KRT7: variants seen among roughly 807,000 people sequenced by gnomAD.
KRT7 encodes the protein keratin 7, also known as keratin, type II cytoskeletal 7.
In KRT7, 50 loss-of-function variants were observed where a neutral mutation model predicts 42.8. The observed-to-expected ratio is 1.17, with a 90% CI of 0.93 to 1.48. The LOEUF (loss-of-function observed/expected upper bound fraction) is 1.48. KRT7 is among the 40% of genes most tolerant of loss of function. KRT7 has a pLI of 0.00. For synonymous variants in KRT7, 268 were observed against 266.3 expected (o/e 1.01, Z -0.06); for missense variants, 588 against 637.6 (o/e 0.92, Z 0.84).
At chr12:52,251,159 T>C (rs1002990177), downstream of KRT7, among the ~76,000 whole-genome samples, 5 of 152,070 alleles carry the variant, frequency 3.3e-5, no homozygotes, top group African/African-American at 1.2e-4. Flanking sequence ...TTTTTATTTT[T>C]AGTAGAGACG....
chr12:52,248,945 G>A, downstream of KRT7: 1 of 515,874 alleles, frequency 1.9e-6, no homozygotes, highest in Non-Finnish European at 3.2e-6. Context: ...CTGGCTTCAT[G>A]AGGCTGGGCA....
At chr12:52,253,626 T>TCGGCCC (rs1241148649), downstream of KRT7, 6 of 1,562,730 alleles carry the variant, frequency 3.8e-6, no homozygotes, top group Non-Finnish European at 5.2e-6. Context: ...GGACTCGGCC[T>TCGGCCC]CGGCCCGGCT....
chr12:52,243,326 G>T (rs929525612), intron 6 of KRT7, 189 bp downstream of exon 6: 4 of 651,774 alleles, frequency 6.1e-6, no homozygotes, highest in Non-Finnish European at 7.5e-6. Context: ...GCTGATGGGA[G>T]AAAGGTCCTG....
chr12:52,233,292 C>G lies in KRT7; in HGVS notation c.-5C>G. 1 of 1,540,548 alleles carries G rather than the reference C, an allele frequency of 6.5e-7. No individual in the cohort carries two copies. Among genetic ancestry groups the G allele is most frequent in the Non-Finnish European group, 8.7e-7 (1 of 1,151,442 alleles). On this transcript the variant is annotated 5_prime_UTR_variant, in exon 1 of 9. Coordinates refer to ENST00000331817, the MANE Select transcript of KRT7 (RefSeq NM_005556.4). ...CGCCGCTAGGTCCATCCCGGCCCAG[C>G]CACCATGTCCATCCACTTCAGCTCC...
rs374091539 is a variant in KRT7 at position 52,248,227 on chromosome 12, C to T, written c.1240+16C>T. 609 of 1,613,266 alleles carry T rather than the reference C, an allele frequency of 3.8e-4. No homozygotes were observed. Among genetic ancestry groups the T allele is most frequent in the Non-Finnish European group, 4.7e-4 (549 of 1,179,424 alleles). ...GTGAATATCTGTAAGTCCTTGGCTG[C>T]GGCCCATGGGAAGCATCCCTTGTGC... On this transcript the variant is annotated intron_variant, in intron 8 of 8. Coordinates refer to ENST00000331817, the MANE Select transcript of KRT7 (RefSeq NM_005556.4).
chr12:52,253,207 C>A, downstream of KRT7: 1 of 1,604,200 alleles, frequency 6.2e-7, no homozygotes, highest in Non-Finnish European at 8.5e-7. Flanking sequence ...GGCTGGGCTC[C>A]CATACCTGGC....
chr12:52,237,860 T>G (rs765529413), intron 3 of KRT7: 9 of 278,730 alleles, frequency 3.2e-5, no homozygotes, highest in Non-Finnish European at 6.0e-5. Flanking sequence ...TAAGGAGTGC[T>G]CTATTCAAGC....
chr12:52,246,023 G>A, intron 7 of KRT7: 1 of 207,532 alleles, frequency 4.8e-6, no homozygotes, highest in Non-Finnish European at 9.5e-6. Flanking sequence ...GTCAGGGTGT[G>A]CTGATTCCTG....
downstream of KRT7, chr12:52,255,442 G>A (rs773026989): frequency 1.3e-5 from 6 of 456,334 alleles, no homozygotes; most frequent in South Asian, 9.3e-5. Context: ...CTCAGATCTG[G>A]GGAGGAAAAA....
rs1287824926 is a variant in KRT7 at position 52,238,700 on chromosome 12, G to A, written c.618G>A (p.Met206Ile). ...VLKKDVDAAY[M>I]SKVELEAKVD... ...CCCAGGATGTGGATGCTGCCTACAT[G>A]AGCAAGGTGGAGCTGGAGGCCAAGG... is the stretch of plus-strand genomic sequence containing the variant. Residue 206 changes from methionine to isoleucine, a missense_variant, in exon 4 of 9, where the codon ATG becomes ATA. Transcript: ENST00000331817. The A allele has an allele frequency of 6.8e-6, 11 of 1,613,868 alleles. No individual in the cohort carries two copies. The highest frequency in any genetic ancestry group is 9.3e-6 in the Non-Finnish European group (11 of 1,179,746).
At chr12:52,244,155 G>C (rs58727616) in intron 6 of KRT7, among the ~76,000 whole-genome samples, 2,682 of 152,348 alleles carry the variant, frequency 0.018, 90 homozygotes, top group African/African-American at 0.061. Context: ...GTGGTGGGGG[G>C]ATGTGAGGGT....
intron 5 of KRT7, 73 bp downstream of exon 5, chr12:52,241,709 T>C (rs1942094974): frequency 7.3e-7 from 1 of 1,378,156 alleles, no homozygotes; most frequent in Non-Finnish European, 1.0e-6. Flanking sequence ...CCTCAACTTG[T>C]CTCAAGCCTT....
At chr12:52,250,331 C>G (rs1942244528), downstream of KRT7, 1 of 337,352 alleles carries the variant, frequency 3.0e-6, no homozygotes, top group South Asian at 2.6e-5. Context: ...GACAGGAAGG[C>G]GCGGCGTGGG....
In KRT7 at chr12:52,235,178, C is replaced by T. The variant is rs377323809; in HGVS notation, c.348C>T (p.Asn116=). The change falls in exon 2 of 9, where the codon AAC becomes AAT. Residue 116 remains asparagine, a synonymous_variant. Transcript: ENST00000331817. ...AGGTGCGGTTTCTGGAGCAGCAGAACAAGCTGCTGGAGACCAAGTGGACGC... is the reference window on the plus strand; with the variant it reads ...AGGTGCGGTTTCTGGAGCAGCAGAATAAGCTGCTGGAGACCAAGTGGACGC... ...IDKVRFLEQQ[N]KLLETKWTLL... is the part of the protein sequence containing the mutation. 4 of 1,613,984 alleles carry T rather than the reference C, an allele frequency of 2.5e-6. No homozygotes were observed. Among genetic ancestry groups the T allele is most frequent in the Non-Finnish European group, 2.5e-6 (3 of 1,179,980 alleles).
At chr12:52,240,962 C>T in intron 4 of KRT7, among the ~76,000 whole-genome samples, 1 of 126,936 alleles carries the variant, frequency 7.9e-6, no homozygotes, top group East Asian at 2.7e-4. Flanking sequence ...GTGTGATGTT[C>T]CCCGCCCTGT....
chr12:52,235,281 C>A lies in KRT7; in HGVS notation c.451C>A (p.Gln151Lys), dbSNP rs779037322. The A allele has an allele frequency of 3.1e-6, 5 of 1,614,156 alleles. No individual in the cohort carries two copies. In the Middle Eastern group the frequency reaches 5.0e-4, roughly 161 times the overall value. Residue 151 changes from glutamine (Q) to lysine (K), a missense_variant, in exon 2 of 9, where the codon CAG (glutamine) becomes AAG (lysine). Gln to Lys is a moderately conservative substitution (Grantham distance 53). Coordinates refer to ENST00000331817, the MANE Select transcript of KRT7 (RefSeq NM_005556.4). ...GGCCCAGATTGCTGGCCTTCGGGGT[C>A]AGCTTGAGGCACTGCAGGTGGATGG... The part of the protein sequence containing the change: ...FEAQIAGLRG[Q>K]LEALQVDGGR...
chr12:52,244,371 G>A, intron 6 of KRT7: 1 of 985,654 alleles, frequency 1.0e-6, no homozygotes, highest in Non-Finnish European at 1.2e-6. Flanking sequence ...TCACACAACA[G>A]GGCGGATCCA....
At chr12:52,245,134 A>G (rs1942149074) in intron 6 of KRT7, 1 of 542,680 alleles carries the variant, frequency 1.8e-6, no homozygotes. Context: ...TTTCATCCTC[A>G]AAATCTCCTG....
At chr12:52,240,658 A>T (rs1942075160) in intron 4 of KRT7, among the ~76,000 whole-genome samples, 1 of 152,022 alleles carries the variant, frequency 6.6e-6, no homozygotes, top group Non-Finnish European at 1.5e-5. Context: ...AAGAAAATGG[A>T]TTACTTATAC....
Sources: allele counts gnomAD v4.1 joint callset (sites outside exome capture counted in the v4.1 genomes callset), GRCh38; gene constraint gnomAD v4.1.1; transcripts MANE v1.5; gene names NCBI Gene and HGNC (gene_info 2026-07-23, HGNC 2026-07-21).